CNTNAP3B: variants seen among roughly 807,000 people sequenced by gnomAD.
CNTNAP3B encodes contactin associated protein family member 3B.
Under a neutral mutation model 108.9 loss-of-function variants are expected in CNTNAP3B, and 25 were observed. The ratio of observed to expected loss-of-function variants is 0.23; its 90% CI spans 0.17 to 0.32. CNTNAP3B has a LOEUF of 0.32. Among genes scored for constraint, CNTNAP3B ranks in the 10% least tolerant of loss-of-function variants. The pLI, the probability that CNTNAP3B is intolerant of heterozygous loss-of-function variation, is 1.00. For synonymous variants in CNTNAP3B, 103 were observed against 473.4 expected (o/e 0.22, Z 10.16); for missense variants, 252 against 1,210.4 (o/e 0.21, Z 11.75).
At chr9:42,044,219 T>A (rs1189698240) in intron 3 of CNTNAP3B, among the ~76,000 whole-genome samples, 58 of 148,244 alleles carry the variant, frequency 3.9e-4, no homozygotes, top group Non-Finnish European at 8.0e-4. Context: ...TATTAGTGGT[T>A]CTTGTTGTTA....
intron 1 of CNTNAP3B, among the ~76,000 whole-genome samples, chr9:42,125,987 C>T (rs1033721079): frequency 1.5e-5 from 2 of 133,042 alleles, no homozygotes; most frequent in African/African-American, 3.0e-5. Context: ...TGCAGAATCT[C>T]TCTTAAAATG....
At chr9:42,020,384 G>C (rs1826290344) in intron 3 of CNTNAP3B, among the ~76,000 whole-genome samples, 1 of 151,770 alleles carries the variant, frequency 6.6e-6, no homozygotes, top group African/African-American at 2.4e-5. Context: ...TACCTTTTTA[G>C]AAAGCAGGCA....
chr9:42,083,007 T>C (rs1827633223), intron 2 of CNTNAP3B, among the ~76,000 whole-genome samples: 1 of 139,400 alleles, frequency 7.2e-6, no homozygotes, highest in East Asian at 2.2e-4. Context: ...AAAATATATA[T>C]TATGCTAATA....
intron 3 of CNTNAP3B, among the ~76,000 whole-genome samples, chr9:42,046,115 A>G (rs1354539249): frequency 8.0e-6 from 1 of 124,874 alleles, no homozygotes; most frequent in Non-Finnish European, 1.7e-5. Context: ...CAAACCACAC[A>G]AGGACCGGCC....
intron 14 of CNTNAP3B, among the ~76,000 whole-genome samples, chr9:41,932,523 T>C (rs1392098308): frequency 3.3e-5 from 5 of 151,162 alleles, no homozygotes; most frequent in South Asian, 4.1e-4. Flanking sequence ...TTTTCTTCTT[T>C]TTTTTTTTTT....
In CNTNAP3B at chr9:42,094,229, A is replaced by G. The variant is rs539426801; in HGVS notation, c.196+10400T>C. 2.9e-5 allele frequency among the ~76,000 whole-genome samples: 4 copies of G among 139,410 alleles called. 1 individual carries two copies. The highest frequency in any genetic ancestry group is 1.1e-4 in the African/African-American group (4 of 35,230). The allele number at this position is 139,410 out of a possible 152,430, so 91.5% of individuals were successfully genotyped here. On this transcript the variant is annotated intron_variant, in intron 2 of 23. Transcript: ENST00000377561. ...CTTTTTAAGGGAAAGTGCCAGACAT[A>G]TTTAGCATGCAGGCTTAGTAAAAAT...
At chr9:41,939,780 T>A (rs1000605920) in intron 13 of CNTNAP3B, among the ~76,000 whole-genome samples, 1 of 152,262 alleles carries the variant, frequency 6.6e-6, no homozygotes, top group African/African-American at 2.4e-5. Context: ...TGTATTTTTT[T>A]AGAAACAGTA....
intron 3 of CNTNAP3B, among the ~76,000 whole-genome samples, chr9:42,067,593 A>C (rs1827299480): frequency 6.6e-6 from 1 of 151,770 alleles, no homozygotes; most frequent in Non-Finnish European, 1.5e-5. Flanking sequence ...TAAATCACCC[A>C]ACTTTATACA....
At chr9:41,944,654 A>G in intron 13 of CNTNAP3B, among the ~76,000 whole-genome samples, 1 of 151,676 alleles carries the variant, frequency 6.6e-6, no homozygotes, top group Non-Finnish European at 1.5e-5. Flanking sequence ...CAACAAATAA[A>G]AAAGAGTTAC....
chr9:41,923,617 C>T (rs1823727167), intron 16 of CNTNAP3B, among the ~76,000 whole-genome samples: 1 of 152,298 alleles, frequency 6.6e-6, no homozygotes, highest in Non-Finnish European at 1.5e-5. Context: ...CAAAAATTAG[C>T]TGGGCATGGT....
At chr9:41,954,677 T>G (rs950333774) in intron 12 of CNTNAP3B, among the ~76,000 whole-genome samples, 8 of 152,268 alleles carry the variant, frequency 5.3e-5, no homozygotes, top group African/African-American at 1.9e-4. Context: ...TATTTTAGAT[T>G]TTTTATTTAA....
Position 42,091,003 on chromosome 9 carries a change from T to C in CNTNAP3B, c.196+13626A>G, listed in dbSNP as rs866487578. 1.6e-4 allele frequency among the ~76,000 whole-genome samples: 8 copies of C among 48,890 alleles called. 1 individual carries two copies. Among genetic ancestry groups the C allele is most frequent in the African/African-American group, 4.5e-4 (8 of 17,730 alleles). The allele number at this position is 48,890 out of a possible 152,430, so 32.1% of individuals were successfully genotyped here. A position where few individuals can be genotyped will look rare whatever the true frequency, so the allele number is the denominator to read the frequency against. ...ACACACACACACACACACACACACA[T>C]ATAGTATATATTTAGTACATAGTAC... On this transcript the variant is annotated intron_variant, in intron 2 of 23. Coordinates refer to ENST00000377561, the MANE Select transcript of CNTNAP3B (RefSeq NM_001201380.3).
chr9:42,056,613 G>A (rs1265878032), intron 3 of CNTNAP3B, among the ~76,000 whole-genome samples: 1 of 138,306 alleles, frequency 7.2e-6, no homozygotes, highest in Non-Finnish European at 1.5e-5. Context: ...GCCTTCCAAA[G>A]TGCTGGGATT....
intron 13 of CNTNAP3B, among the ~76,000 whole-genome samples, chr9:41,942,261 G>A (rs879700436): frequency 0.015 from 2,348 of 151,660 alleles, 8 homozygotes; most frequent in African/African-American, 0.054. Flanking sequence ...AGATCATGAG[G>A]TCAGGAGATC....
intron 18 of CNTNAP3B, among the ~76,000 whole-genome samples, chr9:41,919,267 T>A (rs1823603736): frequency 6.6e-6 from 1 of 152,116 alleles, no homozygotes; most frequent in African/African-American, 2.4e-5. Context: ...CCCGAGTAGC[T>A]GGGATGCCCT....
At chr9:41,957,804 AGGCT>A (rs1243352933) in intron 12 of CNTNAP3B, among the ~76,000 whole-genome samples, 33 of 152,402 alleles carry the variant, frequency 2.2e-4, no homozygotes, top group Non-Finnish European at 4.6e-4. Context: ...TCTGTCACCC[AGGCT>A]GGAGTTCAGT....
intron 1 of CNTNAP3B, among the ~76,000 whole-genome samples, chr9:42,116,793 G>C (rs1460999508): frequency 7.2e-6 from 1 of 138,504 alleles, no homozygotes; most frequent in African/African-American, 2.9e-5. Context: ...CACGTGCAGA[G>C]ACACACATAG....
rs1171872985 is a variant in CNTNAP3B at position 42,126,504 on chromosome 9, G to T, written c.85+2506C>A. Among the ~76,000 whole-genome samples, 2 of 138,024 alleles carry T rather than the reference G, an allele frequency of 1.4e-5. 1 individual carries two copies. The highest frequency in any genetic ancestry group is 3.1e-5 in the Non-Finnish European group (2 of 64,684). 90.5% of individuals were successfully genotyped at this position (138,024 alleles called of 152,430 possible). A position where few individuals can be genotyped will look rare whatever the true frequency, so the allele number is the denominator to read the frequency against. ...CCTAACAAAGCTTTCCCATGTATTT[G>T]TCAGGTCAAATAACATTCAGATAAA... On this transcript the variant is annotated intron_variant, in intron 1 of 23. Transcript: ENST00000377561.
chr9:42,110,318 C>T lies in CNTNAP3B; in HGVS notation c.86-5579G>A, dbSNP rs1460730394. Among the ~76,000 whole-genome samples, 22 of 137,054 alleles carry T rather than the reference C, an allele frequency of 1.6e-4. 5 individuals carry two copies. Among genetic ancestry groups the T allele is most frequent in the South Asian group, 4.7e-4 (2 of 4,218 alleles). 89.9% of individuals were successfully genotyped at this position (137,054 alleles called of 152,430 possible). A position where few individuals can be genotyped will look rare whatever the true frequency, so the allele number is the denominator to read the frequency against. On this transcript the variant is annotated intron_variant, in intron 1 of 23. Coordinates refer to ENST00000377561, the MANE Select transcript of CNTNAP3B (RefSeq NM_001201380.3). Reference sequence around the variant, plus strand: ...CAGGCTGTGGCTCTCCCCATGCTTGCGGCTGCACTTGCTCCTCACTGTGAA... The same window carrying T: ...CAGGCTGTGGCTCTCCCCATGCTTGTGGCTGCACTTGCTCCTCACTGTGAA...
Sources: gnomAD v4.1 joint callset for allele counts (sites outside exome capture counted in the v4.1 genomes callset) on GRCh38, gnomAD v4.1.1 for gene constraint, MANE v1.5 for transcripts, NCBI Gene and HGNC (gene_info 2026-07-23, HGNC 2026-07-21) for gene names.